TTN: variants seen among roughly 807,000 people sequenced by gnomAD.
TTN encodes connectin.
TTN carries 1,525 observed loss-of-function variants against 3,223.0 expected under a neutral mutation model. That is an observed-to-expected ratio of 0.47 (90% CI 0.45 to 0.49). The LOEUF (loss-of-function observed/expected upper bound fraction) is 0.49. TTN is among the 20% of genes least tolerant of loss of function. TTN has a pLI of 0.00. For missense variants in TTN, 40,786 were observed against 43,424.0 expected (o/e 0.94, Z 5.40); for synonymous variants, 14,094 against 15,161.0 (o/e 0.93, Z 5.17).
rs2073431493 is a variant in TTN at position 178,695,261 on chromosome 2, T to G, written c.31270+87A>C. The G allele has an allele frequency of 7.8e-6, 8 of 1,023,030 alleles. No homozygotes were observed. In the South Asian group the frequency reaches 1.2e-4, roughly 15 times the overall value. 63.4% of individuals were successfully genotyped at this position (1,023,030 alleles called of 1,614,324 possible). ...AGAGAAGAAGTTGTGCCTATTGGAT[T>G]GAACTGCTGATTTATACATTGCTGC... On this transcript the variant is annotated intron_variant, in intron 115 of 362. Coordinates refer to ENST00000589042, the MANE Select transcript of TTN (RefSeq NM_001267550.2).
In TTN at chr2:178,634,654, G is replaced by A. The variant is rs1576720473; in HGVS notation, c.42152-25C>T. On this transcript the variant is annotated intron_variant, in intron 229 of 362. Coordinates refer to ENST00000589042, the MANE Select transcript of TTN (RefSeq NM_001267550.2). This position sits in a 1 kb window ranked among gnomAD's most constrained non-coding sequence, Gnocchi z 4.6. ...TCTGAAAATCAGACATTAAGAATGA[G>A]GCTTTTCAGAATGCACAGGGAAGTG... 1.2e-6 allele frequency: 2 copies of A among 1,612,398 alleles called. No homozygotes were observed. Among genetic ancestry groups the A allele is most frequent in the Admixed American group, 3.3e-5 (2 of 59,732 alleles).
intron 127 of TTN, among the ~76,000 whole-genome samples, chr2:178,685,833 C>A (rs151265137): frequency 6.6e-6 from 1 of 152,070 alleles, no homozygotes; most frequent in Non-Finnish European, 1.5e-5. Flanking sequence ...ATGTGTCATA[C>A]AGATAATAAT....
chr2:178,733,801 G>A lies in TTN; in HGVS notation c.15588C>T (p.Pro5196=), dbSNP rs753000492. Residue 5196 remains proline (P), a synonymous_variant, in exon 53 of 363, where the codon CCC becomes CCT. Transcript: ENST00000589042. ...GACCTTTCATCCATGTGACAGAAAT[G>A]GGCTCTGACCCTCTCACAGCAGCTT... ...TLQAAVRGSE[P]ISVTWMKGQE... 3 of 1,613,732 alleles carry A rather than the reference G, an allele frequency of 1.9e-6. No individual in the cohort carries two copies. Among genetic ancestry groups the A allele is most frequent in the Non-Finnish European group, 2.5e-6 (3 of 1,179,758 alleles).
At chr2:178,684,590 A>G in intron 131 of TTN, 76 bp downstream of exon 131, 1 of 1,481,306 alleles carries the variant, frequency 6.8e-7, no homozygotes, top group South Asian at 1.3e-5. Flanking sequence ...AAACAGTATG[A>G]CCCAAAGAAC....
chr2:178,643,961 C>T (rs758991765), intron 218 of TTN, among the ~76,000 whole-genome samples: 9 of 151,666 alleles, frequency 5.9e-5, no homozygotes, highest in Non-Finnish European at 1.3e-4. Flanking sequence ...TAGATGAGAC[C>T]TTATTAGGGA....
chr2:178,707,665 GTC>G lies in TTN; in HGVS notation c.28900_28901del (p.Asp9634GlnfsTer8). The G allele has an allele frequency of 6.2e-7, 1 of 1,613,908 alleles. No homozygotes were observed. The highest frequency in any genetic ancestry group is 8.5e-7 in the Non-Finnish European group (1 of 1,179,862). On this transcript the variant is annotated frameshift_variant, in exon 100 of 363. Coordinates refer to ENST00000589042, the MANE Select transcript of TTN (RefSeq NM_001267550.2). LOFTEE classifies it high-confidence loss of function. ...LKAGREIKPS[D>X]RCSFSFASGT... ...CACTAGCAAAGCTGAAGCTGCATCT[GTC>G]TGAAGGCTTTATTTCCCTGCCAGCC...
chr2:178,615,356 G>A lies in TTN; in HGVS notation c.48589C>T (p.Arg16197Cys), dbSNP rs748917057. ...CAGGCAACCCATTTATCAGAACCAC[G>A]TGGACATCTTTCAACTATATATCCT... ...IKGYIVERCP[R>C]GSDKWVACGE... is the part of the protein sequence containing the mutation. Residue 16197 changes from arginine (R) to cysteine (C), a missense_variant, in exon 259 of 363, where the codon CGT (arginine) becomes TGT (cysteine). Arg to Cys is a radical substitution (Grantham distance 180, BLOSUM62 -3). Transcript: ENST00000589042. 1.3e-5 allele frequency: 21 copies of A among 1,612,298 alleles called. No homozygotes were observed. The highest frequency in any genetic ancestry group is 5.3e-5 in the African/African-American group (4 of 74,782).
intron 106 of TTN, 92 bp downstream of exon 106, chr2:178,704,055 T>C: frequency 1.3e-6 from 2 of 1,483,032 alleles, no homozygotes; most frequent in East Asian, 4.6e-5. Flanking sequence ...ACCACTTTGG[T>C]GTGTGTCTAC....
At chr2:178,786,205 G>A (rs556233223) in intron 13 of TTN, 64 bp from the exon 14 acceptor site, 25 of 1,565,752 alleles carry the variant, frequency 1.6e-5, no homozygotes, top group Admixed American at 3.5e-5. Flanking sequence ...ATATCTCCTG[G>A]GCATCAGGAC....
chr2:178,738,372 A>C lies in TTN; in HGVS notation c.14093-12T>G. The C allele has an allele frequency of 6.2e-7, 1 of 1,603,298 alleles. No homozygotes were observed. The highest frequency in any genetic ancestry group is 8.5e-7 in the Non-Finnish European group (1 of 1,173,468). ...GATCACTGGGGCAGCTGCAAAGGGAAGTAGAGTCCATTAACATGCCTCCTT... is the reference window on the plus strand; with the variant it reads ...GATCACTGGGGCAGCTGCAAAGGGACGTAGAGTCCATTAACATGCCTCCTT... On this transcript the variant is annotated splice_polypyrimidine_tract_variant and intron_variant, in intron 48 of 362. Transcript: ENST00000589042.
At position 178,562,023 on chromosome 2, in the gene TTN, C is replaced by G. The variant is rs754285119; in HGVS notation, c.84109G>C (p.Val28037Leu). 2.1e-5 allele frequency: 34 copies of G among 1,613,424 alleles called. No homozygotes were observed. Among genetic ancestry groups the G allele is most frequent in the Non-Finnish European group, 2.8e-5 (33 of 1,179,686 alleles). Residue 28037 changes from valine (V) to leucine (L), a missense_variant, in exon 326 of 363, where the codon GTT becomes CTT. Transcript: ENST00000589042. ...KEDVGTYELC[V>L]SNSAGSITVP... is the part of the protein sequence containing the mutation. ...GTTATGGATCCAGCACTGTTTGAAA[C>G]ACATAATTCATAAGTTCCAACATCT...
chr2:178,577,134 A>G lies in TTN; in HGVS notation c.69201T>C (p.Asp23067=). The G allele has an allele frequency of 6.2e-7, 1 of 1,613,198 alleles. No homozygotes were observed. Among genetic ancestry groups the G allele is most frequent in the African/African-American group, 1.3e-5 (1 of 74,986 alleles). The change falls in exon 324 of 363, where the codon GAT becomes GAC. Residue 23067 remains aspartate, a synonymous_variant. Coordinates refer to ENST00000589042, the MANE Select transcript of TTN (RefSeq NM_001267550.2). ...ATLTWTPPLE[D]GGSPIKSYIL... is the part of the protein sequence containing the mutation. ...TATAGGACTTAATTGGTGAGCCGCC[A>G]TCTTCCAAGGGAGGTGTCCATGTAA...
chr2:178,654,290 A>G lies in TTN; in HGVS notation c.38298T>C (p.Val12766=). The G allele has an allele frequency of 2.5e-6, 4 of 1,597,304 alleles. No individual in the cohort carries two copies. Among genetic ancestry groups the G allele is most frequent in the Non-Finnish European group, 3.4e-6 (4 of 1,177,388 alleles). The change falls in exon 193 of 363, where the codon GTT becomes GTC. Residue 12766 remains valine (V), a splice_region_variant and synonymous_variant. Coordinates refer to ENST00000589042, the MANE Select transcript of TTN (RefSeq NM_001267550.2). ...AKKPEAPPPK[V]PEAPKEVVLE... is the part of the protein sequence containing the mutation. Reference sequence around the variant, plus strand: ...GTACAACTTCTTTAGGAGCTTCAGGAACTTTGAAGATATTAGTATCTTTTA... The same window carrying G: ...GTACAACTTCTTTAGGAGCTTCAGGGACTTTGAAGATATTAGTATCTTTTA...
intron 31 of TTN, 49 bp downstream of exon 31, chr2:178,773,785 GTTCT>G: frequency 6.2e-7 from 1 of 1,614,030 alleles, no homozygotes. Flanking sequence ...GCTCCTTGAA[GTTCT>G]TTATGTTGCT....
rs1707254187 is a variant in TTN at position 178,569,328 on chromosome 2, G to A, written c.76804C>T (p.Pro25602Ser). 2 of 1,613,148 alleles carry A rather than the reference G, an allele frequency of 1.2e-6. No homozygotes were observed. The highest frequency in any genetic ancestry group is 1.3e-5 in the African/African-American group (1 of 74,866). ...AFVTVRVLDT[P>S]SPPVNLKVTE... ...ACTTTCAGGTTAACAGGTGGACTTG[G>A]CGTGTCCAGAACTCTCACAGTAACA... The change falls in exon 326 of 363, where the codon CCA becomes TCA. Residue 25602 changes from proline (P) to serine (S), a missense_variant. Coordinates refer to ENST00000589042, the MANE Select transcript of TTN (RefSeq NM_001267550.2).
rs1274987792 is a variant in TTN, at chr2:178,557,141, G to T, written c.88013C>A (p.Pro29338His). The T allele has an allele frequency of 6.2e-7, 1 of 1,613,402 alleles. No homozygotes were observed. The highest frequency in any genetic ancestry group is 8.5e-7 in the Non-Finnish European group (1 of 1,179,698). ...EPVLAIDACE[P>H]PRNVRITDIS... ...ATCAGTGATACGAACATTTCTTGGG[G>T]GTTCTGTGGTAATAAGAGAAGCAGA... The change falls in exon 330 of 363, where the codon CCC (proline) becomes CAC (histidine). Residue 29338 changes from proline to histidine, a missense_variant. Pro to His is a moderately conservative substitution (Grantham distance 77). Transcript: ENST00000589042.
At position 178,776,653 on chromosome 2, in the gene TTN, C is replaced by A; in HGVS notation, c.5211G>T (p.Glu1737Asp). Reference sequence around the variant, plus strand: ...CAAGTGGCTTTCCATCATGGAGCCACTCCACCACCATCGTTGGGTCACCAA... The same window carrying A: ...CAAGTGGCTTTCCATCATGGAGCCAATCCACCACCATCGTTGGGTCACCAA... ...TPIGDPTMVVEWLHDGKPLEA... is the reference protein window; with the variant it reads ...TPIGDPTMVVDWLHDGKPLEA... The change falls in exon 28 of 363, where the codon GAG becomes GAT. Residue 1737 changes from glutamate to aspartate, a missense_variant. By Grantham distance (45) the Glu-to-Asp change is conservative. Coordinates refer to ENST00000589042, the MANE Select transcript of TTN (RefSeq NM_001267550.2). The A allele has an allele frequency of 6.2e-7, 1 of 1,614,126 alleles. No individual in the cohort carries two copies. Among genetic ancestry groups the A allele is most frequent in the Non-Finnish European group, 8.5e-7 (1 of 1,180,018 alleles).
Position 178,561,888 on chromosome 2 carries a change from C to T in TTN, c.84244G>A (p.Asp28082Asn). ...ITISWNPPEY[D>N]GGCQISNYIV... ...TAATTGCTAATTTGGCAGCCACCAT[C>T]ATATTCTGGAGGATTCCAAGAAATG... The change falls in exon 326 of 363, where the codon GAT (aspartate) becomes AAT (asparagine). Residue 28082 changes from aspartate (D) to asparagine (N), a missense_variant. Transcript: ENST00000589042. 1 of 1,613,606 alleles carries T rather than the reference C, an allele frequency of 6.2e-7. No individual in the cohort carries two copies. Among genetic ancestry groups the T allele is most frequent in the Non-Finnish European group, 8.5e-7 (1 of 1,179,734 alleles).
Position 178,549,869 on chromosome 2 carries a change from T to A in TTN, c.91853A>T (p.Asp30618Val). Reference protein sequence around the residue: ...AKAEIKVKVQDTPGKVVGPIR... With the variant: ...AKAEIKVKVQVTPGKVVGPIR... ...TGGCCCAACTACTTTTCCTGGTGTA[T>A]CTATAAGAAAAAGTTTCTAGAGTTA... is the stretch of plus-strand genomic sequence containing the variant. Residue 30618 changes from aspartate to valine, a missense_variant and splice_region_variant, in exon 338 of 363, where the codon GAT (aspartate) becomes GTT (valine). Coordinates refer to ENST00000589042, the MANE Select transcript of TTN (RefSeq NM_001267550.2). 6.5e-7 allele frequency: 1 copy of A among 1,549,432 alleles called. No homozygotes were observed. Among genetic ancestry groups the A allele is most frequent in the Admixed American group, 2.1e-5 (1 of 48,374 alleles).
Sources: allele counts gnomAD v4.1 joint callset (sites outside exome capture counted in the v4.1 genomes callset), GRCh38; gene constraint gnomAD v4.1.1; non-coding constraint Gnocchi (gnomAD v3.1); transcripts MANE v1.5; gene names NCBI Gene and HGNC (gene_info 2026-07-23, HGNC 2026-07-21).